The following SUGCT variants were observed in gnomAD, a reference collection of about 807,000 sequenced individuals.
SUGCT encodes the protein succinyl-CoA:glutarate-CoA transferase.
A neutral mutation model predicts 55.0 loss-of-function variants in SUGCT; 41 were observed. The observed-to-expected ratio is 0.74, with a 90% CI of 0.58 to 0.97. The LOEUF is 0.97. SUGCT is among the 50% of genes least tolerant of loss of function. The pLI is 0.00. For missense variants in SUGCT, 568 were observed against 547.8 expected (o/e 1.04, Z -0.37); for synonymous variants, 187 against 200.4 (o/e 0.93, Z 0.56).
At chr7:40,818,883 T>C (rs574730960) in intron 13 of SUGCT, among the ~76,000 whole-genome samples, 1 of 151,070 alleles carries the variant, frequency 6.6e-6, no homozygotes, top group Non-Finnish European at 1.5e-5. Flanking sequence ...ACATTAGGTA[T>C]ATCTCCTAAT....
At chr7:40,889,238 A>G in the SUGCT span, among the ~76,000 whole-genome samples, 1 of 152,134 alleles carries the variant, frequency 6.6e-6, no homozygotes, top group African/African-American at 2.4e-5. Context: ...CTCAAGGGAC[A>G]TCTGGAAAGT....
intron 11 of SUGCT, among the ~76,000 whole-genome samples, chr7:40,482,870 A>T (rs1303182329): frequency 6.6e-6 from 1 of 152,200 alleles, no homozygotes; most frequent in East Asian, 1.9e-4. Context: ...AGTTATATGG[A>T]ATGTACTGAG....
At chr7:40,564,875 A>G (rs974143034) in intron 12 of SUGCT, among the ~76,000 whole-genome samples, 4 of 152,196 alleles carry the variant, frequency 2.6e-5, no homozygotes, top group African/African-American at 9.7e-5. Context: ...ACTGAGAATG[A>G]AGACAATTTT....
intron 7 of SUGCT, among the ~76,000 whole-genome samples, chr7:40,260,858 T>TG (rs1419885978): frequency 6.6e-6 from 1 of 152,098 alleles, no homozygotes; most frequent in Non-Finnish European, 1.5e-5. Flanking sequence ...CTTGAACTCC[T>TG]GACCTCAGGT....
chr7:40,708,511 C>A (rs1025525750), intron 12 of SUGCT, among the ~76,000 whole-genome samples: 4 of 152,174 alleles, frequency 2.6e-5, no homozygotes, highest in Non-Finnish European at 5.9e-5. Context: ...TCTACATTAG[C>A]TCAATCATGC....
rs1736050532 is a variant in SUGCT, at chr7:40,436,671, T to TC, written c.817-12616_817-12615insC. 5.9e-5 allele frequency among the ~76,000 whole-genome samples: 9 copies of TC among 152,302 alleles called. No homozygotes were observed. In the South Asian group the frequency reaches 1.2e-3, roughly 21 times the overall value. ...CATAGATGGTACAGAACTGTGATTATTGTAACATGTTTGAGATACAACAAA... is the reference window on the plus strand; with the variant it reads ...CATAGATGGTACAGAACTGTGATTATCTGTAACATGTTTGAGATACAACAAA... On this transcript the variant is annotated intron_variant, in intron 9 of 13. Transcript: ENST00000335693.
chr7:40,666,355 AAAGGAAGG>A (rs775565696), intron 12 of SUGCT, among the ~76,000 whole-genome samples: 1,893 of 121,832 alleles, frequency 0.016, 20 homozygotes, highest in Non-Finnish European at 0.021. Flanking sequence ...CTCAAGAAAG[AAAGGAAGG>A]AAGGAAGGAA....
Position 40,272,135 on chromosome 7 carries a change from A to G in SUGCT, c.577-2378A>G, listed in dbSNP as rs1334821560. Among the ~76,000 whole-genome samples the G allele has an allele frequency of 5.7e-4, 57 of 100,004 alleles. 4 individuals carry two copies. The highest frequency in any genetic ancestry group is 1.8e-3 in the African/African-American group (44 of 24,606). The allele number at this position is 100,004 out of a possible 152,430, so 65.6% of individuals were successfully genotyped here. The stretch of plus-strand genomic sequence containing the variant: ...TATGGATGTTTCAAAAACAACTGCA[A>G]TGTGACATATATATATATATATATA... On this transcript the variant is annotated intron_variant, in intron 7 of 13. Transcript: ENST00000335693.
At chr7:40,760,839 A>C (rs931041165) in intron 13 of SUGCT, among the ~76,000 whole-genome samples, 1 of 152,128 alleles carries the variant, frequency 6.6e-6, no homozygotes, top group Non-Finnish European at 1.5e-5. Context: ...TATCTGTGAC[A>C]GGAAGACCAA....
At chr7:41,017,719 C>T in the SUGCT span, among the ~76,000 whole-genome samples, 88 of 147,586 alleles carry the variant, frequency 6.0e-4, no homozygotes, top group African/African-American at 2.2e-3. Context: ...TGCAGTGAGC[C>T]GAGATGGCAC....
intron 12 of SUGCT, among the ~76,000 whole-genome samples, chr7:40,603,273 A>G (rs769053964): frequency 3.3e-5 from 5 of 152,234 alleles, no homozygotes; most frequent in African/African-American, 4.8e-5. Flanking sequence ...ATACATAGGA[A>G]TATGTATGAC....
At chr7:40,624,205 G>A (rs1363112657) in intron 12 of SUGCT, among the ~76,000 whole-genome samples, 2 of 151,950 alleles carry the variant, frequency 1.3e-5, no homozygotes, top group Non-Finnish European at 1.5e-5. Context: ...CCCACCTCAG[G>A]CCTCCTCCCC....
intron 13 of SUGCT, among the ~76,000 whole-genome samples, chr7:40,784,511 T>C (rs1463182444): frequency 2.0e-5 from 3 of 152,192 alleles, no homozygotes; most frequent in African/African-American, 7.2e-5. Context: ...GGAACTCTTG[T>C]AGACTAATCC....
the SUGCT span, among the ~76,000 whole-genome samples, chr7:40,981,219 A>G: frequency 3.3e-5 from 5 of 152,184 alleles, no homozygotes; most frequent in South Asian, 8.3e-4. Flanking sequence ...AGCCCTGATG[A>G]AGTCTGAATT....
chr7:40,597,687 T>A (rs1179994511), intron 12 of SUGCT, among the ~76,000 whole-genome samples: 2 of 152,202 alleles, frequency 1.3e-5, no homozygotes, highest in East Asian at 3.9e-4. Context: ...TTCCTTGGCA[T>A]GGTGGACTGA....
At chr7:41,011,358 A>G in the SUGCT span, among the ~76,000 whole-genome samples, 1 of 152,224 alleles carries the variant, frequency 6.6e-6, no homozygotes, top group South Asian at 2.1e-4. Context: ...AAGATAGTAG[A>G]AGACAAAAGG....
At chr7:40,886,334 A>C in the SUGCT span, among the ~76,000 whole-genome samples, 2 of 152,140 alleles carry the variant, frequency 1.3e-5, no homozygotes, top group East Asian at 3.9e-4. Context: ...AGGATGTGGC[A>C]GGGGCCACTA....
intron 9 of SUGCT, among the ~76,000 whole-genome samples, chr7:40,445,003 T>C (rs1788736176): frequency 6.6e-6 from 1 of 152,172 alleles, no homozygotes; most frequent in South Asian, 2.1e-4. Context: ...TGTCTTTGCT[T>C]CTCTTTATGT....
the SUGCT span, among the ~76,000 whole-genome samples, chr7:41,037,898 T>G: frequency 3.3e-5 from 5 of 152,210 alleles, no homozygotes; most frequent in Admixed American, 2.6e-4. Context: ...GATTCCTTTT[T>G]CTGTTGTGTT....
Sources: gnomAD v4.1 joint callset for allele counts (sites outside exome capture counted in the v4.1 genomes callset) on GRCh38, gnomAD v4.1.1 for gene constraint, MANE v1.5 for transcripts, NCBI Gene and HGNC (gene_info 2026-07-23, HGNC 2026-07-21) for gene names.